ATRNL1: variants seen among roughly 807,000 people sequenced by gnomAD.
ATRNL1 encodes attractin-like protein 1.
A neutral mutation model predicts 182.7 loss-of-function variants in ATRNL1; 95 were observed. The observed-to-expected ratio is 0.52, with a 90% CI of 0.44 to 0.62. The LOEUF is 0.62. Ranked by LOEUF, ATRNL1 falls within the 20% of genes least tolerant of loss-of-function variation. The probability of loss-of-function intolerance (pLI) is 0.00; values close to 1 mark genes in which losing one functional copy is unlikely to be tolerated. For missense variants in ATRNL1, 1,471 were observed against 1,679.5 expected, an observed-to-expected ratio of 0.88 and a Z score of 2.17; for synonymous variants, 576 against 568.3, an observed-to-expected ratio of 1.01 and a Z score of -0.19.
chr10:115,600,614 A>G (rs1555015605), intron 26 of ATRNL1, among the ~76,000 whole-genome samples: 1 of 152,064 alleles, frequency 6.6e-6, no homozygotes, highest in African/African-American at 2.4e-5. Flanking sequence ...TTCTTATATA[A>G]TATGTTCTGG....
intron 8 of ATRNL1, among the ~76,000 whole-genome samples, chr10:115,202,280 T>C (rs1554892594): frequency 6.6e-6 from 1 of 150,452 alleles, no homozygotes; most frequent in African/African-American, 2.5e-5. Flanking sequence ...TGAATAGGAG[T>C]GGTGAGAGAG....
intron 25 of ATRNL1, among the ~76,000 whole-genome samples, chr10:115,524,648 G>C (rs1367501649): frequency 6.6e-6 from 1 of 152,144 alleles, no homozygotes; most frequent in Non-Finnish European, 1.5e-5. Flanking sequence ...CACTATGACT[G>C]ATCTTATCCT....
intron 27 of ATRNL1, among the ~76,000 whole-genome samples, chr10:115,827,827 A>G (rs1170317585): frequency 2.0e-5 from 3 of 152,182 alleles, no homozygotes; most frequent in African/African-American, 7.2e-5. Context: ...ACTAGCCTTA[A>G]GCAGTGGTCA....
At chr10:115,447,619 A>T (rs1260904704) in intron 21 of ATRNL1, among the ~76,000 whole-genome samples, 1 of 151,918 alleles carries the variant, frequency 6.6e-6, no homozygotes, top group Non-Finnish European at 1.5e-5. Context: ...GCCATAGTGC[A>T]TTTATTTTAG....
chr10:115,125,015 A>G (rs180758661), intron 3 of ATRNL1, among the ~76,000 whole-genome samples: 11 of 152,292 alleles, frequency 7.2e-5, no homozygotes, highest in Middle Eastern at 3.4e-3. Context: ...TGGGGGTCAG[A>G]TAGGACATTC....
intron 9 of ATRNL1, among the ~76,000 whole-genome samples, chr10:115,231,957 A>C (rs1554900115): frequency 6.6e-6 from 1 of 152,112 alleles, no homozygotes. Context: ...TCCTTGGCAG[A>C]ATTTTCCCAT....
intron 21 of ATRNL1, among the ~76,000 whole-genome samples, chr10:115,433,305 T>C (rs1199971595): frequency 6.6e-6 from 1 of 152,154 alleles, no homozygotes; most frequent in Admixed American, 6.5e-5. Flanking sequence ...TTGACCCTTA[T>C]ATTTAATGGA....
At chr10:115,672,873 C>T (rs145565515) in intron 26 of ATRNL1, among the ~76,000 whole-genome samples, 13 of 152,166 alleles carry the variant, frequency 8.5e-5, no homozygotes, top group African/African-American at 2.6e-4. Context: ...TCATAGTAAA[C>T]TAATAACTAT....
At chr10:115,837,753 C>T (rs1555095947) in intron 27 of ATRNL1, among the ~76,000 whole-genome samples, 2 of 152,224 alleles carry the variant, frequency 1.3e-5, no homozygotes, top group South Asian at 2.1e-4. Flanking sequence ...GCCATACTTT[C>T]GGACCAAGCC....
intron 26 of ATRNL1, among the ~76,000 whole-genome samples, chr10:115,686,835 C>T (rs573593529): frequency 1.1e-4 from 17 of 152,096 alleles, no homozygotes; most frequent in African/African-American, 4.1e-4. Flanking sequence ...AGCTAAGCAC[C>T]TTATTGAGTA....
At chr10:115,531,751 T>G (rs1373712698) in intron 25 of ATRNL1, among the ~76,000 whole-genome samples, 1 of 150,862 alleles carries the variant, frequency 6.6e-6, no homozygotes, top group African/African-American at 2.4e-5. Flanking sequence ...CTAGGGTTTT[T>G]ATGGTTTTAG....
At chr10:115,827,559 A>G (rs1362489156) in intron 27 of ATRNL1, among the ~76,000 whole-genome samples, 1 of 152,156 alleles carries the variant, frequency 6.6e-6, no homozygotes, top group Non-Finnish European at 1.5e-5. Flanking sequence ...CAAAAGAATG[A>G]CCACATCATG....
At chr10:115,453,959 A>AT (rs552073788) in intron 21 of ATRNL1, among the ~76,000 whole-genome samples, 14 of 151,860 alleles carry the variant, frequency 9.2e-5, no homozygotes, top group Non-Finnish European at 1.6e-4. Context: ...ATAATAAAAA[A>AT]GAAAAAAAAA....
intron 18 of ATRNL1, among the ~76,000 whole-genome samples, chr10:115,325,894 C>CTT (rs35564176): frequency 8.9e-4 from 129 of 144,526 alleles, no homozygotes; most frequent in African/African-American, 3.1e-3. Context: ...GATGTTAAAA[C>CTT]TTTTTTTTTT....
chr10:115,683,315 G>T (rs1386037526), intron 26 of ATRNL1, among the ~76,000 whole-genome samples: 1 of 151,870 alleles, frequency 6.6e-6, no homozygotes, highest in Non-Finnish European at 1.5e-5. Context: ...CAAACAAAAA[G>T]ACACTGTCAT....
At chr10:115,208,153 A>G (rs539494637) in intron 8 of ATRNL1, among the ~76,000 whole-genome samples, 3 of 152,090 alleles carry the variant, frequency 2.0e-5, no homozygotes, top group African/African-American at 4.8e-5. Flanking sequence ...TAGGCATTCT[A>G]TTTCATTTAT....
intron 28 of ATRNL1, among the ~76,000 whole-genome samples, chr10:115,924,363 G>A (rs782676991): frequency 5.3e-5 from 8 of 151,954 alleles, no homozygotes; most frequent in Non-Finnish European, 8.8e-5. Context: ...GTTTTCTAGG[G>A]TTTTTTTAAT....
intron 26 of ATRNL1, among the ~76,000 whole-genome samples, chr10:115,659,549 T>C (rs141514197): frequency 3.9e-5 from 6 of 152,250 alleles, no homozygotes; most frequent in East Asian, 1.9e-4. Flanking sequence ...TTAATGTTAT[T>C]TAATGTAATG....
intron 19 of ATRNL1, among the ~76,000 whole-genome samples, chr10:115,375,707 T>G (rs1857633546): frequency 6.6e-6 from 1 of 152,114 alleles, no homozygotes; most frequent in African/African-American, 2.4e-5. Context: ...TAACTTGAAT[T>G]TAATCACCTA....
Sources: gnomAD v4.1 joint callset for allele counts (sites outside exome capture counted in the v4.1 genomes callset) on GRCh38, gnomAD v4.1.1 for gene constraint, MANE v1.5 for transcripts, NCBI Gene and HGNC (gene_info 2026-07-23, HGNC 2026-07-21) for gene names.